The following GRID2 variants were observed in gnomAD, a reference collection of about 807,000 sequenced individuals.
The protein encoded by GRID2 is glutamate receptor ionotropic, delta-2.
In GRID2, 33 loss-of-function variants were observed where a neutral mutation model predicts 114.8. The ratio of observed to expected loss-of-function variants is 0.29; its 90% CI spans 0.22 to 0.38. The LOEUF (loss-of-function observed/expected upper bound fraction) is 0.38, where lower values mean the gene tolerates loss of function less well. Ranked by LOEUF, GRID2 falls within the 10% of genes least tolerant of loss-of-function variation. The probability of loss-of-function intolerance (pLI) is 1.00; values close to 1 mark genes in which losing one functional copy is unlikely to be tolerated. For missense variants in GRID2, 1,184 were observed against 1,257.7 expected (o/e 0.94, Z 0.89); for synonymous variants, 505 against 449.9 (o/e 1.12, Z -1.55).
intron 6 of GRID2, 130 bp downstream of exon 6, chr4:93,217,041 TAA>T (rs1744306275): frequency 3.2e-6 from 2 of 624,264 alleles, no homozygotes; most frequent in Middle Eastern, 6.3e-4. Flanking sequence ...AGCAATTTCA[TAA>T]GTCTAATGGG....
chr4:93,060,275 C>T (rs1315474001), intron 2 of GRID2, among the ~76,000 whole-genome samples: 1 of 152,004 alleles, frequency 6.6e-6, no homozygotes, highest in Non-Finnish European at 1.5e-5. Flanking sequence ...GATTCATTTG[C>T]TTTTTTGGAA....
At chr4:92,502,098 G>A (rs1419504411) in intron 1 of GRID2, among the ~76,000 whole-genome samples, 1 of 151,948 alleles carries the variant, frequency 6.6e-6, no homozygotes, top group African/African-American at 2.4e-5. Flanking sequence ...GAATTAATTA[G>A]TATTCCTTTT....
At chr4:92,587,280 A>G (rs1414308168) in intron 1 of GRID2, among the ~76,000 whole-genome samples, 1 of 152,106 alleles carries the variant, frequency 6.6e-6, no homozygotes, top group East Asian at 1.9e-4. Flanking sequence ...TGTTAACTAC[A>G]TAGTTAAGAA....
At chr4:92,347,971 T>C (rs1359672484) in intron 1 of GRID2, among the ~76,000 whole-genome samples, 1 of 152,198 alleles carries the variant, frequency 6.6e-6, no homozygotes. Flanking sequence ...AACTGTTTTG[T>C]TGAGACCGAT....
rs66542984 is a variant in GRID2 at position 93,653,838 on chromosome 4, C to T, written c.2360+27403C>T. Among the ~76,000 whole-genome samples, 1,803 of 152,110 alleles carry T rather than the reference C, an allele frequency of 0.012. 59 individuals are homozygous for T. The East Asian group carries it at 0.14, about 12-fold the overall frequency. ...GTGTCTGATTTTCTTAGGAGCTCTA[C>T]CTTTGGACAAGCAGGAGTTAGCAAG... is the stretch of plus-strand genomic sequence containing the variant. On this transcript the variant is annotated intron_variant, in intron 14 of 15. Transcript: ENST00000282020.
chr4:92,612,592 A>T (rs562852755), intron 2 of GRID2, among the ~76,000 whole-genome samples: 1 of 151,612 alleles, frequency 6.6e-6, no homozygotes, highest in East Asian at 1.9e-4. Flanking sequence ...TTTAGAATAC[A>T]TATCCACCTA....
intron 1 of GRID2, among the ~76,000 whole-genome samples, chr4:93,800,843 C>T (rs546119364): frequency 4.6e-5 from 7 of 151,842 alleles, no homozygotes; most frequent in South Asian, 2.1e-4. Context: ...TAGACACCAA[C>T]GTTAAAAGGA....
At chr4:93,569,345 C>T (rs1735723982) in intron 13 of GRID2, among the ~76,000 whole-genome samples, 1 of 152,150 alleles carries the variant, frequency 6.6e-6, no homozygotes. Context: ...GAAGCCTACT[C>T]TAATACATCC....
At chr4:92,892,919 ACAG>A (rs1197990719) in intron 2 of GRID2, among the ~76,000 whole-genome samples, 23 of 152,226 alleles carry the variant, frequency 1.5e-4, no homozygotes, top group Non-Finnish European at 3.4e-4. Flanking sequence ...ATAAAATAAA[ACAG>A]CATGCAGCAT....
chr4:93,274,212 A>C (rs1402291428), intron 8 of GRID2, among the ~76,000 whole-genome samples: 1 of 152,102 alleles, frequency 6.6e-6, no homozygotes, highest in Non-Finnish European at 1.5e-5. Context: ...TAGCCAATAA[A>C]ATCAAGATTT....
In GRID2 at chr4:92,494,059, G is replaced by C. The variant is rs568139065; in HGVS notation, c.89-96072G>C. On this transcript the variant is annotated intron_variant, in intron 1 of 15. Coordinates refer to ENST00000282020, the MANE Select transcript of GRID2 (RefSeq NM_001510.4). The stretch of plus-strand genomic sequence containing the variant: ...TTTGTTGCAGAGCCAAAAAGTTACT[G>C]TGCTATATTCATTATGGTATCCAAA... Among the ~76,000 whole-genome samples the C allele has an allele frequency of 3.3e-5, 5 of 152,152 alleles. No individual in the cohort carries two copies. The East Asian group carries it at 7.7e-4, about 24-fold the overall frequency.
chr4:92,405,716 CAAAAA>C lies in GRID2; in HGVS notation c.88+100981_88+100985del, dbSNP rs59410809. Among the ~76,000 whole-genome samples, 28 of 139,378 alleles carry C rather than the reference CAAAAA, an allele frequency of 2.0e-4. 1 individual carries two copies. The East Asian group carries it at 4.8e-3, about 24-fold the overall frequency. The allele number at this position is 139,378 out of a possible 152,430, so 91.4% of individuals were successfully genotyped here. ...TAGGTAAAAGTTACATTCAGTAATA[CAAAAA>C]AAAAAAAATCAGCTTATACAACTAT... On this transcript the variant is annotated intron_variant, in intron 1 of 15. Transcript: ENST00000282020.
intron 1 of GRID2, among the ~76,000 whole-genome samples, chr4:92,377,011 A>G (rs759298046): frequency 2.6e-5 from 4 of 152,118 alleles, no homozygotes; most frequent in Non-Finnish European, 4.4e-5. Flanking sequence ...TATTTTTGCC[A>G]TTGTCTTGGG....
intron 2 of GRID2, among the ~76,000 whole-genome samples, chr4:92,713,627 T>A (rs897274286): frequency 6.6e-6 from 1 of 151,262 alleles, no homozygotes; most frequent in East Asian, 2.0e-4. Context: ...AGAGGTTTAA[T>A]GGACCTACAG....
rs970768293 is a variant in GRID2 at position 93,548,355 on chromosome 4, A to T, written c.2193+32944A>T. 3.3e-5 allele frequency among the ~76,000 whole-genome samples: 5 copies of T among 152,186 alleles called. No homozygotes were observed. The East Asian group carries it at 9.6e-4, about 29-fold the overall frequency. ...AATGTTTTAAAACTAGAGGCACTTG[A>T]ACGGAAATAGCACCGGACAGGGAAC... is the stretch of plus-strand genomic sequence containing the variant. On this transcript the variant is annotated intron_variant, in intron 13 of 15. Transcript: ENST00000282020.
intron 2 of GRID2, among the ~76,000 whole-genome samples, chr4:92,843,218 G>C (rs891588341): frequency 6.6e-6 from 1 of 151,874 alleles, no homozygotes; most frequent in Non-Finnish European, 1.5e-5. Flanking sequence ...CTCCAGCCTG[G>C]GCGACAGAGT....
intron 1 of GRID2, among the ~76,000 whole-genome samples, chr4:92,356,600 A>G (rs1728339145): frequency 6.6e-6 from 1 of 151,704 alleles, no homozygotes; most frequent in African/African-American, 2.4e-5. Context: ...AACACACTCA[A>G]GCACATACCG....
At chr4:93,586,700 C>T (rs1737568425) in intron 13 of GRID2, among the ~76,000 whole-genome samples, 2 of 152,120 alleles carry the variant, frequency 1.3e-5, no homozygotes, top group South Asian at 4.2e-4. Flanking sequence ...GGGTTCAATC[C>T]TAGGATGATG....
intron 2 of GRID2, among the ~76,000 whole-genome samples, chr4:92,934,575 G>T (rs974477564): frequency 2.1e-5 from 3 of 146,096 alleles, no homozygotes; most frequent in Admixed American, 1.5e-4. Context: ...AGCCTGCATC[G>T]CCAAGTCAAT....
Sources: gnomAD v4.1 joint callset for allele counts (sites outside exome capture counted in the v4.1 genomes callset) on GRCh38, gnomAD v4.1.1 for gene constraint, MANE v1.5 for transcripts, NCBI Gene and HGNC (gene_info 2026-07-23, HGNC 2026-07-21) for gene names.